Variants in L1TD1 observed in about 807,000 individuals in gnomAD.
L1TD1 encodes the protein LINE1 type transposase domain containing 1.
In L1TD1, 26 loss-of-function variants were observed where a neutral mutation model predicts 25.7. That is an observed-to-expected ratio of 1.01 (90% CI 0.74 to 1.40). The LOEUF (loss-of-function observed/expected upper bound fraction) is 1.40. L1TD1 is among the 40% of genes most tolerant of loss of function. The probability of loss-of-function intolerance (pLI) is 0.00; values close to 1 mark genes in which losing one functional copy is unlikely to be tolerated. For missense variants in L1TD1, 1,130 were observed against 975.0 expected, an observed-to-expected ratio of 1.16 and a Z score of -2.12; for synonymous variants, 421 against 335.6, an observed-to-expected ratio of 1.25 and a Z score of -2.78.
Position 62,207,125 on chromosome 1 carries a change from G to A in L1TD1, c.497G>A (p.Arg166Gln), listed in dbSNP as rs758908225. Residue 166 changes from arginine (R) to glutamine (Q), a missense_variant, in exon 3 of 4, where the codon CGA (arginine) becomes CAA (glutamine). Physicochemically the swap from Arg to Gln is conservative, Grantham distance 43. Transcript: ENST00000498273. ...DGKKLPQGES[R>Q]SYEVMGSMEE... Reference sequence around the variant, plus strand: ...AAGAAATTACCCCAGGGTGAATCACGAAGTTACGAAGTCATGGGAAGTATG... The same window carrying A: ...AAGAAATTACCCCAGGGTGAATCACAAAGTTACGAAGTCATGGGAAGTATG... 2.4e-5 allele frequency: 38 copies of A among 1,589,754 alleles called. No individual in the cohort carries two copies. The Admixed American group carries it at 2.5e-4, about 11-fold the overall frequency.
chr1:62,210,835 AG>A lies in L1TD1; in HGVS notation c.2062del (p.Glu688LysfsTer6), dbSNP rs767509504. 1 of 1,548,722 alleles carries A rather than the reference AG, an allele frequency of 6.5e-7. No homozygotes were observed. Among genetic ancestry groups the A allele is most frequent in the East Asian group, 2.4e-5 (1 of 40,908 alleles). Reference protein sequence around the residue: ...MQMTKQIISKERQRDIEERSR... With the variant: ...MQMTKQIISKXRQRDIEERSR... The stretch of plus-strand genomic sequence containing the variant: ...AAATGACCAAACAGATAATTAGTAA[AG>A]AAAGGCAAAGAGATATAGAGGAGAG... On this transcript the variant is annotated frameshift_variant, in exon 4 of 4. Transcript: ENST00000498273. LOFTEE classifies it low-confidence loss of function (END_TRUNC).
intron 2 of L1TD1, among the ~76,000 whole-genome samples, chr1:62,204,634 G>T (rs1670700174): frequency 6.6e-6 from 1 of 152,036 alleles, no homozygotes; most frequent in Non-Finnish European, 1.5e-5. Flanking sequence ...GAACTTCTGG[G>T]CTCAAGTAAT....
Position 62,207,466 on chromosome 1 carries a change from GT to G in L1TD1, c.840del (p.Lys281AsnfsTer2), listed in dbSNP as rs2149101384. 3 of 1,551,206 alleles carry G rather than the reference GT, an allele frequency of 1.9e-6. No homozygotes were observed. The highest frequency in any genetic ancestry group is 2.4e-5 in the East Asian group (1 of 40,902). ...TTTTGAACCTAAATTTCTGTGTGAA[GT>G]TAAATTAGCATTTAAATGTGATGGT... ...NDFEPKFLCE[V>X]KLAFKCDGEI... On this transcript the variant is annotated frameshift_variant, in exon 3 of 4. Coordinates refer to ENST00000498273, the MANE Select transcript of L1TD1 (RefSeq NM_019079.5). LOFTEE classifies it high-confidence loss of function.
intron 2 of L1TD1, among the ~76,000 whole-genome samples, chr1:62,200,103 C>T (rs982626797): frequency 1.3e-5 from 2 of 151,802 alleles, no homozygotes; most frequent in African/African-American, 2.4e-5. Context: ...TTTATATGTA[C>T]GTTGAACATA....
In L1TD1 at chr1:62,210,940, A is replaced by T. The variant is rs66958136; in HGVS notation, c.2166A>T (p.Lys722Asn). The T allele has an allele frequency of 1.4e-5, 22 of 1,545,364 alleles. No individual in the cohort carries two copies. Among genetic ancestry groups the T allele is most frequent in the Non-Finnish European group, 1.7e-5 (20 of 1,145,706 alleles). Reference protein sequence around the residue: ...SYENRAEDIIKEIIDENFAEL... With the variant: ...SYENRAEDIINEIIDENFAEL... ...AGAATAGGGCAGAGGACATAATTAA[A>T]GAAATAATTGATGAAAACTTTGCAG... Residue 722 changes from lysine (K) to asparagine (N), a missense_variant, in exon 4 of 4, where the codon AAA becomes AAT. Transcript: ENST00000498273.
At chr1:62,203,158 T>C (rs538206574) in intron 2 of L1TD1, among the ~76,000 whole-genome samples, 52 of 152,276 alleles carry the variant, frequency 3.4e-4, no homozygotes, top group African/African-American at 1.2e-3. Flanking sequence ...ATAGTAGATG[T>C]ATATATTTAT....
intron 1 of L1TD1, among the ~76,000 whole-genome samples, chr1:62,195,917 G>GT (rs1670527756): frequency 6.7e-6 from 1 of 149,338 alleles, no homozygotes; most frequent in African/African-American, 2.5e-5. Flanking sequence ...CGCGCCTGTA[G>GT]TCCCAGCTAC....
chr1:62,210,449 T>G lies in L1TD1; in HGVS notation c.1675T>G (p.Ser559Ala), dbSNP rs775805713. ...PCLTLCLASPSKSLEMSHDEH... is the reference protein window; with the variant it reads ...PCLTLCLASPAKSLEMSHDEH... ...TCTGACCTTATGTTTGGCCTCTCCC[T>G]CAAAGTCACTAGAGATGAGTCATGA... is the stretch of plus-strand genomic sequence containing the variant. The change falls in exon 4 of 4, where the codon TCA becomes GCA. Residue 559 changes from serine to alanine, a missense_variant. By Grantham distance (99) the Ser-to-Ala change is moderately conservative. Coordinates refer to ENST00000498273, the MANE Select transcript of L1TD1 (RefSeq NM_019079.5). 4 of 1,613,986 alleles carry G rather than the reference T, an allele frequency of 2.5e-6. No homozygotes were observed.
At chr1:62,209,598 A>G (rs1198857185) in intron 3 of L1TD1, among the ~76,000 whole-genome samples, 185 bp from the exon 4 acceptor site, 1 of 152,190 alleles carries the variant, frequency 6.6e-6, no homozygotes, top group Non-Finnish European at 1.5e-5. Flanking sequence ...TGAGATGATC[A>G]TAGGGAGACT....
At chr1:62,199,498 CAA>C (rs34456833) in intron 2 of L1TD1, among the ~76,000 whole-genome samples, 14 of 134,008 alleles carry the variant, frequency 1.0e-4, no homozygotes, top group South Asian at 2.5e-4. Context: ...ACTCTTGTAT[CAA>C]AAAAAAAAAA....
At chr1:62,205,452 T>TTTA (rs1317584007) in intron 2 of L1TD1, among the ~76,000 whole-genome samples, 1 of 125,158 alleles carries the variant, frequency 8.0e-6, no homozygotes, top group African/African-American at 3.1e-5. Flanking sequence ...TATTTTTTTT[T>TTTA]AGACAGTCTT....
At chr1:62,198,446 TAA>T (rs11353722) in intron 2 of L1TD1, among the ~76,000 whole-genome samples, 46 of 140,316 alleles carry the variant, frequency 3.3e-4, no homozygotes, top group Non-Finnish European at 5.1e-4. Context: ...TGTTCTTATT[TAA>T]AAAAAAAAAA....
Position 62,207,344 on chromosome 1 carries a change from A to G in L1TD1, c.716A>G (p.Glu239Gly). The G allele has an allele frequency of 6.4e-7, 1 of 1,551,446 alleles. No individual in the cohort carries two copies. The highest frequency in any genetic ancestry group is 8.7e-7 in the Non-Finnish European group (1 of 1,146,888). The change falls in exon 3 of 4, where the codon GAA becomes GGA. Residue 239 changes from glutamate to glycine, a missense_variant. Transcript: ENST00000498273. ...ASREEKVLMD[E>G]GAVLTLVADL... ...AGAGAAGAAAAAGTGTTGATGGATGAAGGAGCAGTACTTACCCTGGTAGCC... is the reference window on the plus strand; with the variant it reads ...AGAGAAGAAAAAGTGTTGATGGATGGAGGAGCAGTACTTACCCTGGTAGCC...
chr1:62,211,467 T>C lies in L1TD1; in HGVS notation c.*95T>C, dbSNP rs1570933835. ...GAAAATACACTTCTACCCAGAAGGA[T>C]GGACAGCTAATAGCGTACTTGGGGA... On this transcript the variant is annotated 3_prime_UTR_variant, in exon 4 of 4. Transcript: ENST00000498273. The C allele has an allele frequency of 6.7e-7, 1 of 1,503,508 alleles. No homozygotes were observed. Among genetic ancestry groups the C allele is most frequent in the Non-Finnish European group, 8.8e-7 (1 of 1,133,770 alleles). 93.1% of individuals were successfully genotyped at this position (1,503,508 alleles called of 1,614,324 possible).
chr1:62,210,325 C>T lies in L1TD1; in HGVS notation c.1551C>T (p.Asp517=). The change falls in exon 4 of 4, where the codon GAC becomes GAT. Residue 517 remains aspartate, a synonymous_variant. Transcript: ENST00000498273. Reference sequence around the variant, plus strand: ...TTCCCTTTAGTTATTTGGTTGGGGACTCTGGGAAGAAAAAGTTGGTGAAAC... The same window carrying T: ...TTCCCTTTAGTTATTTGGTTGGGGATTCTGGGAAGAAAAAGTTGGTGAAAC... ...KEIPFSYLVG[D]SGKKKLVKHQ... is the part of the protein sequence containing the mutation. 1 of 1,613,878 alleles carries T rather than the reference C, an allele frequency of 6.2e-7. No individual in the cohort carries two copies. Among genetic ancestry groups the T allele is most frequent in the Non-Finnish European group, 8.5e-7 (1 of 1,179,984 alleles).
chr1:62,200,207 A>C (rs1670615754), intron 2 of L1TD1, among the ~76,000 whole-genome samples: 2 of 151,914 alleles, frequency 1.3e-5, no homozygotes, highest in South Asian at 4.1e-4. Context: ...ACGGAGTTTC[A>C]CTCTTGTTGC....
intron 2 of L1TD1, among the ~76,000 whole-genome samples, chr1:62,198,214 T>C (rs1670580363): frequency 6.6e-6 from 1 of 152,102 alleles, no homozygotes; most frequent in East Asian, 1.9e-4. Flanking sequence ...ATGCCTGTAA[T>C]ACCAGCTCCT....
Position 62,207,599 on chromosome 1 carries a change from A to G in L1TD1, c.971A>G (p.Asn324Ser), listed in dbSNP as rs1164032935. 4 of 1,541,922 alleles carry G rather than the reference A, an allele frequency of 2.6e-6. No homozygotes were observed. The highest frequency in any genetic ancestry group is 2.4e-5 in the East Asian group (1 of 40,862). ...GTACTCCCACAAAAGGAAGAAATAA[A>G]TCAAGGAGGAAGAAAATATGGAATT... ...KDVLPQKEEI[N>S]QGGRKYGIQE... Residue 324 changes from asparagine (N) to serine (S), a missense_variant, in exon 3 of 4, where the codon AAT becomes AGT. By Grantham distance (46) the Asn-to-Ser change is conservative. Transcript: ENST00000498273.
chr1:62,198,047 AAG>A (rs757002325), intron 2 of L1TD1, among the ~76,000 whole-genome samples: 2 of 152,174 alleles, frequency 1.3e-5, no homozygotes, highest in African/African-American at 2.4e-5. Flanking sequence ...TATTGAAAAA[AAG>A]AAAATAGTGT....
Sources: gnomAD v4.1 joint callset for allele counts (sites outside exome capture counted in the v4.1 genomes callset) on GRCh38, gnomAD v4.1.1 for gene constraint, MANE v1.5 for transcripts, NCBI Gene and HGNC (gene_info 2026-07-23, HGNC 2026-07-21) for gene names.